The following MRPL48 variants were observed in gnomAD, a reference collection of about 807,000 sequenced individuals.
The protein encoded by MRPL48 is mitochondrial ribosomal protein L48, also known as large ribosomal subunit protein mL48.
MRPL48 carries 16 observed loss-of-function variants against 32.9 expected under a neutral mutation model. The observed-to-expected ratio is 0.49, with a 90% CI of 0.33 to 0.74. The LOEUF (loss-of-function observed/expected upper bound fraction) is 0.74, where lower values mean the gene tolerates loss of function less well. MRPL48 is among the 30% of genes least tolerant of loss of function. The pLI is 0.02. For missense variants in MRPL48, 206 were observed against 245.3 expected, an observed-to-expected ratio of 0.84 and a Z score of 1.07; for synonymous variants, 94 against 89.2, an observed-to-expected ratio of 1.05 and a Z score of -0.31.
Position 73,860,820 on chromosome 11 carries a change from AC to A in MRPL48, c.474+812del, listed in dbSNP as rs1449659605. On this transcript the variant is annotated intron_variant, in intron 6 of 7. Coordinates refer to ENST00000310614, the MANE Select transcript of MRPL48 (RefSeq NM_016055.6). ...AACCATCCCCACAATCAATTTTAGA[AC>A]ATTTTCCTCACCCTAAAAGAAACCG... Among the ~76,000 whole-genome samples, 9 of 152,310 alleles carry A rather than the reference AC, an allele frequency of 5.9e-5. No homozygotes were observed. The East Asian group carries it at 1.4e-3, about 23-fold the overall frequency.
At chr11:73,793,178 G>GC (rs1475280289) in intron 1 of MRPL48, among the ~76,000 whole-genome samples, 56 of 152,140 alleles carry the variant, frequency 3.7e-4, no homozygotes, top group African/African-American at 1.3e-3. Flanking sequence ...TGATTCTCCT[G>GC]CCTCAGCCTT....
chr11:73,852,023 C>G (rs1948401352), intron 5 of MRPL48, among the ~76,000 whole-genome samples: 4 of 152,026 alleles, frequency 2.6e-5, no homozygotes, highest in Non-Finnish European at 5.9e-5. Flanking sequence ...ACTGCAATTA[C>G]AGCTCAAAGA....
chr11:73,840,098 T>TAA (rs35939600), intron 4 of MRPL48, among the ~76,000 whole-genome samples: 7,825 of 136,960 alleles, frequency 0.057, 236 homozygotes, highest in Middle Eastern at 0.1. Context: ...ACCCTGTCCT[T>TAA]AAAAAAAAAA....
chr11:73,793,866 T>G (rs1371380716), intron 1 of MRPL48, among the ~76,000 whole-genome samples: 2 of 151,318 alleles, frequency 1.3e-5, no homozygotes, highest in African/African-American at 4.9e-5. Context: ...GTGTTTTTTT[T>G]TTTTTTTTTT....
At chr11:73,809,434 G>T (rs1226107306) in intron 3 of MRPL48, among the ~76,000 whole-genome samples, 1 of 151,194 alleles carries the variant, frequency 6.6e-6, no homozygotes, top group Non-Finnish European at 1.5e-5. Flanking sequence ...AACCCCGGAG[G>T]CAGAGGTTAC....
At chr11:73,850,512 C>T (rs1948369530) in intron 5 of MRPL48, 1 of 360,070 alleles carries the variant, frequency 2.8e-6, no homozygotes, top group African/African-American at 2.2e-5. Flanking sequence ...TTATTAAACA[C>T]CTTCCAGCCT....
chr11:73,795,359 T>TCTCTGATGAAGTCTGACTTCAC (rs1565399594), intron 1 of MRPL48, among the ~76,000 whole-genome samples: 1 of 150,390 alleles, frequency 6.6e-6, no homozygotes, highest in African/African-American at 2.4e-5. Context: ...CTGGACTTCA[T>TCTCTGATGAAGTCTGACTTCAC]CTCTGATGAA....
intron 1 of MRPL48, among the ~76,000 whole-genome samples, chr11:73,798,202 C>T (rs980735816): frequency 3.9e-5 from 6 of 152,036 alleles, no homozygotes; most frequent in East Asian, 3.8e-4. Flanking sequence ...CTCAGTCTCC[C>T]GAGTACCTGG....
rs777082074 is a variant in MRPL48, at chr11:73,787,882, C to T, written c.-90C>T. ...TATTGCTGCTGCACCTGGTCAAGGCCGTTCCTTCAGTGTTTTCAGACGCCC... is the reference window on the plus strand; with the variant it reads ...TATTGCTGCTGCACCTGGTCAAGGCTGTTCCTTCAGTGTTTTCAGACGCCC... On this transcript the variant is annotated 5_prime_UTR_variant, in exon 1 of 8. Coordinates refer to ENST00000310614, the MANE Select transcript of MRPL48 (RefSeq NM_016055.6). The T allele has an allele frequency of 1.3e-6, 2 of 1,514,480 alleles. No homozygotes were observed. The highest frequency in any genetic ancestry group is 1.8e-6 in the Non-Finnish European group (2 of 1,118,190). The allele number at this position is 1,514,480 out of a possible 1,614,324, so 93.8% of individuals were successfully genotyped here. A position where few individuals can be genotyped will look rare whatever the true frequency, so the allele number is the denominator to read the frequency against.
At chr11:73,797,030 C>T (rs1358191309) in intron 1 of MRPL48, among the ~76,000 whole-genome samples, 3 of 152,140 alleles carry the variant, frequency 2.0e-5, no homozygotes, top group Non-Finnish European at 4.4e-5. Context: ...CCATTGCACT[C>T]CAGCCTGGGT....
chr11:73,790,186 C>T (rs1235913112), intron 1 of MRPL48, among the ~76,000 whole-genome samples: 3 of 149,078 alleles, frequency 2.0e-5, no homozygotes, highest in African/African-American at 7.4e-5. Flanking sequence ...TCTCCTGCCT[C>T]AGCCTCCTGA....
chr11:73,795,399 A>AT (rs1008497164), intron 1 of MRPL48, among the ~76,000 whole-genome samples: 241 of 146,968 alleles, frequency 1.6e-3, no homozygotes, highest in African/African-American at 4.0e-3. Context: ...TCATCTCTGA[A>AT]TTTTTTTTTT....
intron 4 of MRPL48, among the ~76,000 whole-genome samples, chr11:73,826,633 C>T (rs577440117): frequency 2.0e-5 from 3 of 152,134 alleles, no homozygotes; most frequent in African/African-American, 7.2e-5. Flanking sequence ...CGTCCGCTGC[C>T]ACACCTGGCT....
At chr11:73,788,047 G>C in intron 1 of MRPL48, 55 bp downstream of exon 1, 2 of 1,592,294 alleles carry the variant, frequency 1.3e-6, no homozygotes, top group Non-Finnish European at 8.6e-7. Context: ...GGTGCAGAGA[G>C]GGGAGATGGC....
intron 1 of MRPL48, among the ~76,000 whole-genome samples, chr11:73,788,432 G>T (rs1947085162): frequency 1.3e-5 from 2 of 151,502 alleles, no homozygotes; most frequent in Admixed American, 1.3e-4. Context: ...CTGGTAATAA[G>T]GAAACAGCAG....
rs552591747 is a variant in MRPL48 at position 73,846,856 on chromosome 11, G to A, written c.371+1880G>A. Among the ~76,000 whole-genome samples the A allele has an allele frequency of 5.2e-4, 79 of 151,824 alleles. 1 individual carries two copies. The highest frequency in any genetic ancestry group is 6.8e-3 in the Middle Eastern group (2 of 294). ...TGGGACTACAGGCAAACACCAACTCGCCAAGCTGATTTTTTATTTTCCTGA... is the reference window on the plus strand; with the variant it reads ...TGGGACTACAGGCAAACACCAACTCACCAAGCTGATTTTTTATTTTCCTGA... On this transcript the variant is annotated intron_variant, in intron 5 of 7. Coordinates refer to ENST00000310614, the MANE Select transcript of MRPL48 (RefSeq NM_016055.6).
chr11:73,825,499 A>G (rs1184817944), intron 3 of MRPL48, among the ~76,000 whole-genome samples: 1 of 151,386 alleles, frequency 6.6e-6, no homozygotes, highest in African/African-American at 2.4e-5. Flanking sequence ...ATGGTAGCAC[A>G]TGCCTGTAGT....
At chr11:73,855,890 GT>G (rs1276078553) in intron 5 of MRPL48, among the ~76,000 whole-genome samples, 18 of 152,210 alleles carry the variant, frequency 1.2e-4, no homozygotes, top group Admixed American at 1.2e-3. Flanking sequence ...TTTAGAAGAA[GT>G]AAAAGGTATT....
intron 3 of MRPL48, among the ~76,000 whole-genome samples, chr11:73,815,163 C>A (rs1947641396): frequency 6.6e-6 from 1 of 151,946 alleles, no homozygotes; most frequent in Non-Finnish European, 1.5e-5. Flanking sequence ...TGTTTGTAAT[C>A]TTAGCACTTT....
Sources: allele counts gnomAD v4.1 joint callset (sites outside exome capture counted in the v4.1 genomes callset), GRCh38; gene constraint gnomAD v4.1.1; transcripts MANE v1.5; gene names NCBI Gene and HGNC (gene_info 2026-07-23, HGNC 2026-07-21).